The following KCNQ1OT1 variants were observed in gnomAD, a reference collection of about 807,000 sequenced individuals.
KCNQ1OT1 encodes KCNQ1 antisense RNA 2 (non-protein coding).
At chr11:2,685,091 G>A in exon 1 of KCNQ1OT1, 1 of 398,670 alleles carries the variant, frequency 2.5e-6, no homozygotes, top group Non-Finnish European at 4.4e-6. Flanking sequence ...AGATTCCAGG[G>A]AAGGGGCCCT....
chr11:2,681,595 T>G (rs538637286), exon 1 of KCNQ1OT1: 61 of 398,488 alleles, frequency 1.5e-4, no homozygotes, highest in Middle Eastern at 6.3e-4. Context: ...CTAGCTTGCT[T>G]GCTCACTCGC....
chr11:2,652,839 G>GT lies in KCNQ1OT1; in HGVS notation n.47155dup. On this transcript the variant is annotated non_coding_transcript_exon_variant, in exon 1 of 1. Transcript: ENST00000597346. The surrounding 1 kb of genome is among the most constrained non-coding windows in gnomAD (Gnocchi z 5.9). ...CATTTCCGTTCACTCTGAGATTTGT[G>GT]TATGCTGAGGCTTGCTATACTTATT... is the stretch of plus-strand genomic sequence containing the variant. 1 of 398,758 alleles carries GT rather than the reference G, an allele frequency of 2.5e-6. No homozygotes were observed. The highest frequency in any genetic ancestry group is 3.6e-5 in the East Asian group (1 of 28,076). The allele number at this position is 398,758 out of a possible 1,614,324, so 24.7% of individuals were successfully genotyped here. A position where few individuals can be genotyped will look rare whatever the true frequency, so the allele number is the denominator to read the frequency against.
rs1028423557 is a variant in KCNQ1OT1, at chr11:2,664,908, G to A, written n.35087C>T. On this transcript the variant is annotated non_coding_transcript_exon_variant, in exon 1 of 1. Coordinates refer to ENST00000597346, the Ensembl canonical transcript of KCNQ1OT1. The surrounding 1 kb of genome is among the most constrained non-coding windows in gnomAD (Gnocchi z 5.1). ...TAAAGACACATTTTGTTTCCATCTC[G>A]AGCTCTCCCCGCCCGCAGGGCCCCA... 3 of 398,394 alleles carry A rather than the reference G, an allele frequency of 7.5e-6. No individual in the cohort carries two copies. Among genetic ancestry groups the A allele is most frequent in the Admixed American group, 4.4e-5 (1 of 22,710 alleles). The allele number at this position is 398,394 out of a possible 1,614,324, so 24.7% of individuals were successfully genotyped here. A position where few individuals can be genotyped will look rare whatever the true frequency, so the allele number is the denominator to read the frequency against.
chr11:2,644,036 T>G (rs951853954), exon 1 of KCNQ1OT1: 1 of 398,542 alleles, frequency 2.5e-6, no homozygotes, highest in Non-Finnish European at 4.4e-6. Flanking sequence ...GATTCTCTCT[T>G]TGTCTTGGGA....
exon 1 of KCNQ1OT1, chr11:2,640,563 T>C (rs1849557206): frequency 5.5e-4 from 1 of 1,804 alleles, no homozygotes; most frequent in Non-Finnish European, 1.1e-3. Context: ...TGGGATTTCC[T>C]TTTTTTTTTT....
rs961559398 is a variant in KCNQ1OT1, at chr11:2,662,599, G to A, written n.37396C>T. The A allele has an allele frequency of 3.6e-5, 15 of 416,920 alleles. No homozygotes were observed. The highest frequency in any genetic ancestry group is 7.8e-5 in the Admixed American group (2 of 25,508). The allele number at this position is 416,920 out of a possible 1,614,324, so 25.8% of individuals were successfully genotyped here. A position where few individuals can be genotyped will look rare whatever the true frequency, so the allele number is the denominator to read the frequency against. On this transcript the variant is annotated non_coding_transcript_exon_variant, in exon 1 of 1. Transcript: ENST00000597346. The stretch of plus-strand genomic sequence containing the variant: ...CTGGGATGCATGCCCGTCCTCCCCC[G>A]CCGTCACGGCATGGCCAGGCCAATC...
At chr11:2,688,247 G>A (rs1850525711) in exon 1 of KCNQ1OT1, 3 of 398,632 alleles carry the variant, frequency 7.5e-6, no homozygotes, top group East Asian at 7.1e-5. Context: ...AGGGCTGTTT[G>A]ATCTGAGAGG....
Position 2,691,808 on chromosome 11 carries a change from C to G in KCNQ1OT1, n.8187G>C, listed in dbSNP as rs1261926426. The G allele has an allele frequency of 7.5e-6, 3 of 398,562 alleles. No homozygotes were observed. The highest frequency in any genetic ancestry group is 1.3e-5 in the Non-Finnish European group (3 of 226,128). The allele number at this position is 398,562 out of a possible 1,614,324, so 24.7% of individuals were successfully genotyped here. A position where few individuals can be genotyped will look rare whatever the true frequency, so the allele number is the denominator to read the frequency against. On this transcript the variant is annotated non_coding_transcript_exon_variant, in exon 1 of 1. Transcript: ENST00000597346. The surrounding 1 kb of genome is among the most constrained non-coding windows in gnomAD (Gnocchi z 6.4). ...CTGCCAGCAATCAGAGAATCACAAG[C>G]ACTGGATCCAATGTGACCTCTGCCA...
chr11:2,654,079 C>T lies in KCNQ1OT1; in HGVS notation n.45916G>A. 1 of 398,756 alleles carries T rather than the reference C, an allele frequency of 2.5e-6. No homozygotes were observed. The highest frequency in any genetic ancestry group is 4.4e-6 in the Non-Finnish European group (1 of 226,148). 24.7% of individuals were successfully genotyped at this position (398,756 alleles called of 1,614,324 possible). On this transcript the variant is annotated non_coding_transcript_exon_variant, in exon 1 of 1. Coordinates refer to ENST00000597346, the Ensembl canonical transcript of KCNQ1OT1. The surrounding 1 kb of genome is among the most constrained non-coding windows in gnomAD (Gnocchi z 6.4). ...GGGAATGGCTTTTACACTTTCCATC[C>T]ATGTCCCTTACTTCTCGCCTCTGAG...
At chr11:2,680,390 T>A in exon 1 of KCNQ1OT1, 1 of 398,486 alleles carries the variant, frequency 2.5e-6, no homozygotes. Context: ...CATTGCAACA[T>A]CCTTCCATAT....
At position 2,676,298 on chromosome 11, in the gene KCNQ1OT1, G is replaced by A. The variant is rs957874231; in HGVS notation, n.23697C>T. ...TGTGTTTACATGTATACAGACACAC[G>A]TGTGAACAGGTGATGGCTCTGAACA... On this transcript the variant is annotated non_coding_transcript_exon_variant, in exon 1 of 1. Coordinates refer to ENST00000597346, the Ensembl canonical transcript of KCNQ1OT1. The surrounding 1 kb of genome is among the most constrained non-coding windows in gnomAD (Gnocchi z 4.2). The A allele has an allele frequency of 1.8e-5, 7 of 398,508 alleles. No individual in the cohort carries two copies. The highest frequency in any genetic ancestry group is 8.2e-5 in the African/African-American group (4 of 48,640). The allele number at this position is 398,508 out of a possible 1,614,324, so 24.7% of individuals were successfully genotyped here.
chr11:2,692,231 A>G (rs1412382652), exon 1 of KCNQ1OT1: 2 of 398,812 alleles, frequency 5.0e-6, no homozygotes, highest in Non-Finnish European at 8.8e-6. Flanking sequence ...CCACCTGCCC[A>G]TCACCTCAAG....
At position 2,695,585 on chromosome 11, in the gene KCNQ1OT1, T is replaced by A. The variant is rs957079474; in HGVS notation, n.4410A>T. ...GAGCATGCACACACACAGCCTCTCG[T>A]TGTTCTGGGTGAGAACTGCTCCAGC... On this transcript the variant is annotated non_coding_transcript_exon_variant, in exon 1 of 1. Transcript: ENST00000597346. The surrounding 1 kb of genome is among the most constrained non-coding windows in gnomAD (Gnocchi z 5.2). The A allele has an allele frequency of 2.5e-6, 1 of 398,540 alleles. No individual in the cohort carries two copies. The highest frequency in any genetic ancestry group is 4.4e-6 in the Non-Finnish European group (1 of 226,078). The allele number at this position is 398,540 out of a possible 1,614,324, so 24.7% of individuals were successfully genotyped here.
At chr11:2,640,283 C>T (rs1423454969) in exon 1 of KCNQ1OT1, 3 of 397,938 alleles carry the variant, frequency 7.5e-6, no homozygotes, top group Admixed American at 4.4e-5. Flanking sequence ...CAGAAATCAC[C>T]CATCTTCTGC....
In KCNQ1OT1 at chr11:2,611,387, T is replaced by A. The variant is rs1373174711; in HGVS notation, n.88608A>T. On this transcript the variant is annotated non_coding_transcript_exon_variant, in exon 1 of 1. Transcript: ENST00000597346. The surrounding 1 kb of genome is among the most constrained non-coding windows in gnomAD (Gnocchi z 5.3). ...GGCATTTGCCACCATACCCAGCTAA[T>A]TTTTAGTAGAGACAGAGTTTCACCA... 1.0e-5 allele frequency: 4 copies of A among 397,426 alleles called. No individual in the cohort carries two copies. Among genetic ancestry groups the A allele is most frequent in the African/African-American group, 8.2e-5 (4 of 48,598 alleles). 24.6% of individuals were successfully genotyped at this position (397,426 alleles called of 1,614,324 possible). A position where few individuals can be genotyped will look rare whatever the true frequency, so the allele number is the denominator to read the frequency against.
exon 1 of KCNQ1OT1, chr11:2,632,606 CATA>C (rs1849378839): frequency 5.0e-6 from 2 of 398,152 alleles, no homozygotes; most frequent in East Asian, 7.1e-5. Context: ...TATAATGTGT[CATA>C]ATCAAATCAG....
Position 2,620,921 on chromosome 11 carries a change from GTTTT to G in KCNQ1OT1, n.79070_79073del. On this transcript the variant is annotated non_coding_transcript_exon_variant, in exon 1 of 1. Coordinates refer to ENST00000597346, the Ensembl canonical transcript of KCNQ1OT1. The surrounding 1 kb of genome is among the most constrained non-coding windows in gnomAD (Gnocchi z 4.5). ...AGATGGCATCCCATTATGGTTTGGTGTTTTTTTGTTGTTGTTGTTTTGTTTTGTT... is the reference window on the plus strand; with the variant it reads ...AGATGGCATCCCATTATGGTTTGGTGTTTGTTGTTGTTGTTTTGTTTTGTT... The G allele has an allele frequency of 2.6e-6, 1 of 386,430 alleles. No individual in the cohort carries two copies. 23.9% of individuals were successfully genotyped at this position (386,430 alleles called of 1,614,324 possible).
rs573916215 is a variant in KCNQ1OT1, at chr11:2,671,066, A to G, written n.28929T>C. 5.0e-6 allele frequency: 2 copies of G among 398,694 alleles called. No homozygotes were observed. The highest frequency in any genetic ancestry group is 4.4e-5 in the Admixed American group (1 of 22,742). The allele number at this position is 398,694 out of a possible 1,614,324, so 24.7% of individuals were successfully genotyped here. ...TGTATCTGAGGCACACATCCTTGGT[A>G]GTGACTGGCTAGCAGGAGGAAGTCT... On this transcript the variant is annotated non_coding_transcript_exon_variant, in exon 1 of 1. Transcript: ENST00000597346. This position sits in a 1 kb window ranked among gnomAD's most constrained non-coding sequence, Gnocchi z 4.7.
rs1020668538 is a variant in KCNQ1OT1, at chr11:2,654,703, C to G, written n.45292G>C. On this transcript the variant is annotated non_coding_transcript_exon_variant, in exon 1 of 1. Transcript: ENST00000597346. This position sits in a 1 kb window ranked among gnomAD's most constrained non-coding sequence, Gnocchi z 6.4. ...GCTTTGAGCTTTGTCATAGGCTGGA[C>G]TTGGGGCTTGAATGCTGACCTAATC... 2.5e-6 allele frequency: 1 copy of G among 398,596 alleles called. No homozygotes were observed. The highest frequency in any genetic ancestry group is 2.1e-5 in the African/African-American group (1 of 48,586). The allele number at this position is 398,596 out of a possible 1,614,324, so 24.7% of individuals were successfully genotyped here.
Sources: allele counts gnomAD v4.1 joint callset, GRCh38; gene constraint gnomAD v4.1.1; non-coding constraint Gnocchi (gnomAD v3.1); transcripts MANE v1.5; gene names NCBI Gene and HGNC (gene_info 2026-07-23, HGNC 2026-07-21).